Variants in CNTNAP2 observed in about 807,000 individuals in gnomAD.
CNTNAP2 encodes the protein contactin associated protein 2, also known as contactin-associated protein-like 2.
A neutral mutation model predicts 155.2 loss-of-function variants in CNTNAP2; 98 were observed. The ratio of observed to expected loss-of-function variants is 0.63; its 90% CI spans 0.54 to 0.75. The LOEUF (loss-of-function observed/expected upper bound fraction) is 0.75. Ranked by LOEUF, CNTNAP2 falls within the 30% of genes least tolerant of loss-of-function variation. The pLI is 0.00. For missense variants in CNTNAP2, 1,727 were observed against 1,688.1 expected, an observed-to-expected ratio of 1.02 and a Z score of -0.40; for synonymous variants, 651 against 631.2, an observed-to-expected ratio of 1.03 and a Z score of -0.47.
At chr7:147,424,966 C>G (rs757101015) in intron 10 of CNTNAP2, among the ~76,000 whole-genome samples, 54 of 152,174 alleles carry the variant, frequency 3.5e-4, no homozygotes, top group Admixed American at 2.8e-3. Context: ...CACTTCTAGG[C>G]CACCTGTTGG....
At chr7:147,483,856 T>C (rs1357025442) in intron 10 of CNTNAP2, among the ~76,000 whole-genome samples, 1 of 152,198 alleles carries the variant, frequency 6.6e-6, no homozygotes, top group Non-Finnish European at 1.5e-5. Context: ...ATAGTGGCTA[T>C]AGGAAAGGAC....
intron 2 of CNTNAP2, among the ~76,000 whole-genome samples, chr7:146,794,510 A>T (rs899063671): frequency 6.6e-6 from 1 of 152,184 alleles, no homozygotes; most frequent in African/African-American, 2.4e-5. Context: ...CATGACCCTA[A>T]AGGATATCAG....
intron 1 of CNTNAP2, among the ~76,000 whole-genome samples, chr7:146,442,158 G>T (rs1796328793): frequency 6.6e-6 from 1 of 151,550 alleles, no homozygotes; most frequent in South Asian, 2.1e-4. Flanking sequence ...ACTTTCAAGT[G>T]ATGAAATATC....
At chr7:146,180,956 A>G (rs1001055355) in intron 1 of CNTNAP2, among the ~76,000 whole-genome samples, 3 of 152,136 alleles carry the variant, frequency 2.0e-5, no homozygotes, top group Admixed American at 6.6e-5. Context: ...GGGATATCAT[A>G]TGCTACTGGT....
At chr7:148,189,660 A>C (rs1795173427) in intron 18 of CNTNAP2, among the ~76,000 whole-genome samples, 1 of 152,188 alleles carries the variant, frequency 6.6e-6, no homozygotes, top group African/African-American at 2.4e-5. Context: ...CCAGAACCAC[A>C]GCCAAGACAT....
intron 13 of CNTNAP2, among the ~76,000 whole-genome samples, chr7:147,661,894 C>A (rs561412973): frequency 2.6e-5 from 4 of 152,090 alleles, no homozygotes; most frequent in African/African-American, 9.7e-5. Context: ...CAGCCTGCAC[C>A]ATGACGTAGC....
intron 8 of CNTNAP2, among the ~76,000 whole-genome samples, chr7:147,299,433 GTTT>G (rs34268441): frequency 4.9e-5 from 7 of 143,234 alleles, no homozygotes; most frequent in African/African-American, 1.8e-4. Context: ...TTATTTTGCT[GTTT>G]TTTTTTTTTA....
At chr7:148,268,653 TTAATAATAA>T (rs3057302) in intron 21 of CNTNAP2, among the ~76,000 whole-genome samples, 1 of 149,244 alleles carries the variant, frequency 6.7e-6, no homozygotes, top group East Asian at 2.0e-4. Context: ...AGACTCTGTC[TTAATAATAA>T]TAATAATAAT....
intron 8 of CNTNAP2, among the ~76,000 whole-genome samples, chr7:147,172,904 G>T (rs997789711): frequency 6.6e-5 from 10 of 152,046 alleles, no homozygotes; most frequent in African/African-American, 2.4e-4. Context: ...GCTTCTTTAA[G>T]TGTTATCATT....
chr7:146,548,177 T>C (rs1231813999), intron 1 of CNTNAP2, among the ~76,000 whole-genome samples: 3 of 151,966 alleles, frequency 2.0e-5, no homozygotes, highest in Admixed American at 6.6e-5. Context: ...TCCACGTGTT[T>C]TCATCATTTC....
At chr7:146,520,066 T>TC (rs553256618) in intron 1 of CNTNAP2, among the ~76,000 whole-genome samples, 4 of 151,546 alleles carry the variant, frequency 2.6e-5, no homozygotes, top group South Asian at 2.1e-4. Flanking sequence ...GAACCCACTT[T>TC]CCCCAATAAT....
rs572342836 is a variant in CNTNAP2, at chr7:146,371,937, C to G, written c.97+254964C>G. On this transcript the variant is annotated intron_variant, in intron 1 of 23. Transcript: ENST00000361727. ...TCGCGCCACTGCACTCCAGCCTGGG[C>G]GACAGAGTGAAACTCCATCTCAAAA... 2.7e-5 allele frequency among the ~76,000 whole-genome samples: 4 copies of G among 145,690 alleles called. No individual in the cohort carries two copies. In the South Asian group the frequency reaches 6.4e-4, roughly 23 times the overall value.
At chr7:148,009,402 C>G (rs901155642) in intron 15 of CNTNAP2, among the ~76,000 whole-genome samples, 1 of 152,156 alleles carries the variant, frequency 6.6e-6, no homozygotes, top group Admixed American at 6.5e-5. Flanking sequence ...GGCAAACTGT[C>G]ATAAGTCAGG....
intron 1 of CNTNAP2, among the ~76,000 whole-genome samples, chr7:146,314,087 C>G (rs572623086): frequency 6.6e-6 from 1 of 152,076 alleles, no homozygotes; most frequent in South Asian, 2.1e-4. Flanking sequence ...TATGAATATT[C>G]GGTTTTCCCA....
At chr7:147,148,948 A>C (rs1368554365) in intron 8 of CNTNAP2, among the ~76,000 whole-genome samples, 1 of 152,226 alleles carries the variant, frequency 6.6e-6, no homozygotes, top group African/African-American at 2.4e-5. Flanking sequence ...AAGGTAGCAC[A>C]GACACAAAGA....
intron 1 of CNTNAP2, among the ~76,000 whole-genome samples, chr7:146,188,804 C>T (rs1562982993): frequency 1.3e-5 from 2 of 152,146 alleles, no homozygotes; most frequent in Middle Eastern, 3.2e-3. Context: ...AGTTATTGAA[C>T]TTGCATCTGG....
chr7:146,854,232 A>G (rs2129203707), intron 3 of CNTNAP2, among the ~76,000 whole-genome samples: 1 of 152,316 alleles, frequency 6.6e-6, no homozygotes, highest in Admixed American at 6.5e-5. Context: ...AGTAATCTAG[A>G]TGGTGGTTTC....
intron 13 of CNTNAP2, among the ~76,000 whole-genome samples, chr7:147,727,767 C>T (rs1258290538): frequency 6.5e-5 from 9 of 138,506 alleles, no homozygotes; most frequent in African/African-American, 2.3e-4. Context: ...TTTTTTCCTG[C>T]GCTCACTGCA....
chr7:147,985,563 A>T (rs1801605804), intron 15 of CNTNAP2, among the ~76,000 whole-genome samples: 1 of 152,082 alleles, frequency 6.6e-6, no homozygotes, highest in Non-Finnish European at 1.5e-5. Context: ...AACTGCTCCC[A>T]GTCCCATGCT....
Sources: gnomAD v4.1 joint callset for allele counts (sites outside exome capture counted in the v4.1 genomes callset) on GRCh38, gnomAD v4.1.1 for gene constraint, MANE v1.5 for transcripts, NCBI Gene and HGNC (gene_info 2026-07-23, HGNC 2026-07-21) for gene names.